The following ATP9B variants were observed in gnomAD, a reference collection of about 807,000 sequenced individuals.
The protein encoded by ATP9B is ATPase phospholipid transporting 9B.
A neutral mutation model predicts 146.1 loss-of-function variants in ATP9B; 110 were observed. The observed-to-expected ratio is 0.75, with a 90% confidence interval of 0.65 to 0.88. The LOEUF (loss-of-function observed/expected upper bound fraction) is 0.88. Ranked by LOEUF, ATP9B falls within the 40% of genes least tolerant of loss-of-function variation. ATP9B has a pLI of 0.00. For missense variants in ATP9B, 1,499 were observed against 1,496.4 expected (o/e 1.00, Z -0.03); for synonymous variants, 604 against 569.7 (o/e 1.06, Z -0.86).
intron 4 of ATP9B, among the ~76,000 whole-genome samples, chr18:79,121,434 A>G (rs936078598): frequency 2.6e-5 from 4 of 152,112 alleles, no homozygotes; most frequent in African/African-American, 9.7e-5. Flanking sequence ...GTTGGTACCG[A>G]GGTAATGGGA....
At chr18:79,320,869 T>C (rs1327724734) in intron 15 of ATP9B, among the ~76,000 whole-genome samples, 1 of 151,846 alleles carries the variant, frequency 6.6e-6, no homozygotes, top group Non-Finnish European at 1.5e-5. Context: ...GGTTTTATAC[T>C]GGGAGGGAGC....
At chr18:79,079,457 GTGTC>G (rs1263457065) in intron 1 of ATP9B, among the ~76,000 whole-genome samples, 6 of 152,164 alleles carry the variant, frequency 3.9e-5, no homozygotes, top group Admixed American at 6.5e-5. Context: ...CATTTGAAAA[GTGTC>G]TGTTCATATC....
At chr18:79,208,227 A>G (rs768047802) in intron 10 of ATP9B, among the ~76,000 whole-genome samples, 146 of 152,384 alleles carry the variant, frequency 9.6e-4, no homozygotes, top group Non-Finnish European at 1.6e-3. Context: ...CCTGGGCGAC[A>G]GAGCGAGATG....
At chr18:79,251,131 G>T (rs1002433125) in intron 11 of ATP9B, among the ~76,000 whole-genome samples, 6 of 152,342 alleles carry the variant, frequency 3.9e-5, no homozygotes, top group African/African-American at 1.4e-4. Context: ...GACACTTTGT[G>T]TTTGAAGTGT....
Position 79,187,725 on chromosome 18 carries a change from T to C in ATP9B, c.874-5458T>C, listed in dbSNP as rs116397800. Among the ~76,000 whole-genome samples the C allele has an allele frequency of 3.7e-3, 558 of 152,340 alleles. 4 individuals are homozygous for C. Among genetic ancestry groups the C allele is most frequent in the South Asian group, 0.024 (116 of 4,824 alleles). On this transcript the variant is annotated intron_variant, in intron 8 of 29. Transcript: ENST00000426216. ...TGAGAACAGGATGCTCCCTTTAGCA[T>C]TGCTGTTATAATTCCCTGTTTCATT...
At chr18:79,204,122 G>A (rs1046067844) in intron 9 of ATP9B, among the ~76,000 whole-genome samples, 3 of 152,164 alleles carry the variant, frequency 2.0e-5, no homozygotes, top group Admixed American at 6.5e-5. Context: ...TAAATTGTAT[G>A]CCTTTACTCT....
At chr18:79,175,193 G>A (rs1443454561) in intron 7 of ATP9B, among the ~76,000 whole-genome samples, 2 of 126,556 alleles carry the variant, frequency 1.6e-5, no homozygotes, top group African/African-American at 3.2e-5. Context: ...GAGCGAGACT[G>A]TCTCAAAAAA....
intron 25 of ATP9B, among the ~76,000 whole-genome samples, chr18:79,351,482 AAAAT>A (rs1195947573): frequency 6.6e-6 from 1 of 152,244 alleles, no homozygotes; most frequent in African/African-American, 2.4e-5. Context: ...AGCTTCTTTG[AAAAT>A]AAATAATGAG....
intron 8 of ATP9B, among the ~76,000 whole-genome samples, chr18:79,190,519 C>CACAA (rs2095354520): frequency 7.5e-6 from 1 of 134,188 alleles, no homozygotes; most frequent in African/African-American, 2.7e-5. Flanking sequence ...TATACACACA[C>CACAA]ACACACACAC....
intron 2 of ATP9B, among the ~76,000 whole-genome samples, chr18:79,110,119 A>G (rs1202847901): frequency 3.3e-5 from 5 of 152,190 alleles, no homozygotes; most frequent in African/African-American, 1.2e-4. Flanking sequence ...AAGAGTGTCT[A>G]AACAGAAAGA....
chr18:79,086,544 A>G (rs1047008753), intron 1 of ATP9B: 2 of 150,944 alleles, frequency 1.3e-5, no homozygotes, highest in Non-Finnish European at 2.9e-5. Flanking sequence ...TAGTATTAGC[A>G]TGAAGACAGA....
At chr18:79,233,726 A>G (rs1265379576) in intron 11 of ATP9B, among the ~76,000 whole-genome samples, 2 of 152,226 alleles carry the variant, frequency 1.3e-5, no homozygotes, top group African/African-American at 4.8e-5. Flanking sequence ...ACCCCTGTGC[A>G]GTCAACAATC....
intron 12 of ATP9B, chr18:79,254,370 G>C (rs543464935): frequency 6.6e-6 from 1 of 152,352 alleles, no homozygotes; most frequent in African/African-American, 2.4e-5. Context: ...CATAAAGTCA[G>C]AGCTATAATC....
intron 7 of ATP9B, among the ~76,000 whole-genome samples, chr18:79,169,933 T>TA (rs1390455375): frequency 6.6e-6 from 1 of 152,232 alleles, no homozygotes; most frequent in Non-Finnish European, 1.5e-5. Context: ...AAAGTTATCT[T>TA]ACGACTTCCA....
At chr18:79,210,875 C>G (rs1183430126) in intron 10 of ATP9B, among the ~76,000 whole-genome samples, 1 of 152,166 alleles carries the variant, frequency 6.6e-6, no homozygotes, top group Non-Finnish European at 1.5e-5. Context: ...ACCTCTGTCT[C>G]TCATTAGACA....
chr18:79,341,902 C>T (rs1312098511), intron 19 of ATP9B, among the ~76,000 whole-genome samples: 1 of 152,222 alleles, frequency 6.6e-6, no homozygotes, highest in East Asian at 1.9e-4. Flanking sequence ...CGGAAACTGT[C>T]CATCTCCCCA....
At chr18:79,269,341 A>G (rs1267863591) in intron 12 of ATP9B, among the ~76,000 whole-genome samples, 1 of 152,194 alleles carries the variant, frequency 6.6e-6, no homozygotes, top group Non-Finnish European at 1.5e-5. Flanking sequence ...CCTGTCCAAC[A>G]AGTACTCATT....
intron 5 of ATP9B, among the ~76,000 whole-genome samples, chr18:79,141,511 T>A (rs1205866899): frequency 6.6e-6 from 1 of 152,164 alleles, no homozygotes; most frequent in Non-Finnish European, 1.5e-5. Context: ...AAGAAAAAAA[T>A]ATGTCATTAG....
chr18:79,372,976 C>T, intron 27 of ATP9B, 94 bp downstream of exon 27: 2 of 873,750 alleles, frequency 2.3e-6, no homozygotes, highest in Middle Eastern at 6.5e-4. Flanking sequence ...TAAATTCCAA[C>T]AGCTTAAAAT....
Sources: allele counts gnomAD v4.1 joint callset (sites outside exome capture counted in the v4.1 genomes callset), GRCh38; gene constraint gnomAD v4.1.1; transcripts MANE v1.5; gene names NCBI Gene and HGNC (gene_info 2026-07-23, HGNC 2026-07-21).